CHD6: variants seen among roughly 807,000 people sequenced by gnomAD.
The protein encoded by CHD6 is ATP-dependent chromatin remodeler CHD6.
CHD6 carries 50 observed loss-of-function variants against 276.9 expected under a neutral mutation model. That is an observed-to-expected ratio of 0.18 (90% CI 0.14 to 0.23). The LOEUF is 0.23. CHD6 is among the 10% of genes least tolerant of loss of function. The pLI is 1.00. For synonymous variants in CHD6, 1,173 were observed against 1,229.3 expected, an observed-to-expected ratio of 0.95 and a Z score of 0.96; for missense variants, 2,564 against 3,365.8, an observed-to-expected ratio of 0.76 and a Z score of 5.89.
chr20:41,494,077 A>G (rs1263319060), intron 8 of CHD6, 133 bp from the exon 9 acceptor site: 2 of 624,488 alleles, frequency 3.2e-6, no homozygotes, highest in Non-Finnish European at 5.6e-6. Flanking sequence ...TTGCTTAAGA[A>G]TAAAAGTCAC....
At chr20:41,546,043 G>GT (rs2045033753) in intron 2 of CHD6, among the ~76,000 whole-genome samples, 1 of 152,098 alleles carries the variant, frequency 6.6e-6, no homozygotes, top group South Asian at 2.1e-4. Flanking sequence ...TTAATGGTTT[G>GT]TAACCAGGCT....
At chr20:41,443,831 A>C (rs1330407138) in intron 25 of CHD6, among the ~76,000 whole-genome samples, 1 of 152,100 alleles carries the variant, frequency 6.6e-6, no homozygotes, top group Non-Finnish European at 1.5e-5. Flanking sequence ...TTGGCCCCTA[A>C]GCTTTCAGTT....
At position 41,422,003 on chromosome 20, in the gene CHD6, C is replaced by T. The variant is rs1406115684; in HGVS notation, c.4632G>A (p.Leu1544=). 1 of 1,614,070 alleles carries T rather than the reference C, an allele frequency of 6.2e-7. No individual in the cohort carries two copies. Among genetic ancestry groups the T allele is most frequent in the African/African-American group, 1.3e-5 (1 of 74,928 alleles). ...RAARTLYRIE[L]LRKVREQVLK... ...GCACTTGCTCTCGGACTTTCCGTAA[C>T]AGTTCAATGCGGTACAGAGTTCTTG... is the stretch of plus-strand genomic sequence containing the variant. Residue 1544 remains leucine, a synonymous_variant, in exon 31 of 37, where the codon CTG becomes CTA. Transcript: ENST00000373233.
intron 1 of CHD6, among the ~76,000 whole-genome samples, chr20:41,590,685 G>A (rs1186013202): frequency 6.6e-6 from 1 of 152,152 alleles, no homozygotes; most frequent in Non-Finnish European, 1.5e-5. Flanking sequence ...AGTTAGAATG[G>A]CGATCATTAA....
intron 1 of CHD6, among the ~76,000 whole-genome samples, chr20:41,590,724 G>C (rs1336827256): frequency 6.6e-6 from 1 of 152,152 alleles, no homozygotes; most frequent in Non-Finnish European, 1.5e-5. Flanking sequence ...GTGCTGGAGA[G>C]GATGTGGAGA....
intron 17 of CHD6, among the ~76,000 whole-genome samples, chr20:41,459,933 T>C (rs1263659003): frequency 1.3e-5 from 2 of 152,332 alleles, no homozygotes; most frequent in South Asian, 4.1e-4. Flanking sequence ...GTGGGAAAGC[T>C]TGGAACCTCC....
intron 5 of CHD6, among the ~76,000 whole-genome samples, chr20:41,507,497 A>G (rs2145938653): frequency 6.6e-6 from 1 of 152,332 alleles, no homozygotes; most frequent in Middle Eastern, 3.4e-3. Flanking sequence ...TCCTAATGAA[A>G]CGAAAAGGGA....
intron 1 of CHD6, among the ~76,000 whole-genome samples, chr20:41,601,408 C>G (rs1306718299): frequency 1.3e-5 from 2 of 152,168 alleles, no homozygotes; most frequent in Non-Finnish European, 2.9e-5. Context: ...AGATAAGGCA[C>G]AGTCTGTACT....
At chr20:41,511,884 A>C (rs994871544) in intron 5 of CHD6, among the ~76,000 whole-genome samples, 1 of 152,308 alleles carries the variant, frequency 6.6e-6, no homozygotes, top group African/African-American at 2.4e-5. Context: ...CTTGCAATAC[A>C]TGCTTGTTGA....
At chr20:41,454,841 T>A in intron 19 of CHD6, 105 bp from the exon 20 acceptor site, 1 of 672,174 alleles carries the variant, frequency 1.5e-6, no homozygotes, top group Non-Finnish European at 2.5e-6. Flanking sequence ...CTATTTGCAT[T>A]CAAAATCAAA....
rs189416356 is a variant in CHD6 at position 41,594,290 on chromosome 20, C to G, written c.-24+24050G>C. ...AAGTGGTCACATCCCATGGCTCCAG[C>G]CTAAGATGGAAGTCAAACTTATATG... On this transcript the variant is annotated intron_variant, in intron 1 of 36. Coordinates refer to ENST00000373233, the MANE Select transcript of CHD6 (RefSeq NM_032221.5). Among the ~76,000 whole-genome samples the G allele has an allele frequency of 3.9e-4, 59 of 152,290 alleles. 1 individual carries two copies. In the East Asian group the frequency reaches 0.01, roughly 27 times the overall value.
chr20:41,489,820 C>T lies in CHD6; in HGVS notation c.1638G>A (p.Arg546=), dbSNP rs149998836. The change falls in exon 12 of 37, where the codon AGG becomes AGA. Residue 546 remains arginine, a synonymous_variant. Coordinates refer to ENST00000373233, the MANE Select transcript of CHD6 (RefSeq NM_032221.5). The part of the protein sequence containing the change: ...AIVYHGSQIS[R]QMIQQYEMVY... The stretch of plus-strand genomic sequence containing the variant: ...CCATTTCATACTGCTGGATCATCTG[C>T]CTGCTGATCTGGCTGCCGTGGTACA... The T allele has an allele frequency of 9.9e-6, 16 of 1,613,872 alleles. No individual in the cohort carries two copies. Among genetic ancestry groups the T allele is most frequent in the Admixed American group, 6.7e-5 (4 of 60,000 alleles).
At chr20:41,551,855 C>T (rs916316487) in intron 1 of CHD6, among the ~76,000 whole-genome samples, 18 of 152,106 alleles carry the variant, frequency 1.2e-4, no homozygotes, top group Admixed American at 5.9e-4. Flanking sequence ...TATTATTTGA[C>T]GATTTAAACC....
chr20:41,592,811 G>C (rs2045677703), intron 1 of CHD6, among the ~76,000 whole-genome samples: 1 of 152,092 alleles, frequency 6.6e-6, no homozygotes. Context: ...TTTACATTAG[G>C]CTGGGTCTAA....
At chr20:41,549,377 G>A (rs983096841) in intron 2 of CHD6, among the ~76,000 whole-genome samples, 4 of 149,676 alleles carry the variant, frequency 2.7e-5, no homozygotes, top group African/African-American at 9.9e-5. Flanking sequence ...ATCATTCTCA[G>A]CAAACTATCA....
chr20:41,425,141 G>T (rs762682780), intron 29 of CHD6, 37 bp downstream of exon 29: 2 of 1,554,774 alleles, frequency 1.3e-6, no homozygotes, highest in Non-Finnish European at 1.8e-6. Context: ...TTACCCAGTG[G>T]GTGGCTGAGC....
rs191916105 is a variant in CHD6, at chr20:41,403,647, T to G, written c.*946A>C. On this transcript the variant is annotated 3_prime_UTR_variant, in exon 37 of 37. Coordinates refer to ENST00000373233, the MANE Select transcript of CHD6 (RefSeq NM_032221.5). ...GTTGGGCAACTGTCTTCTTGCAGGC[T>G]CCAGAAAGAACCTTATTCTTGGTGA... 9.4e-7 allele frequency: 1 copy of G among 1,061,124 alleles called. No individual in the cohort carries two copies. The highest frequency in any genetic ancestry group is 5.4e-5 in the Admixed American group (1 of 18,572). The allele number at this position is 1,061,124 out of a possible 1,614,324, so 65.7% of individuals were successfully genotyped here.
intron 27 of CHD6, among the ~76,000 whole-genome samples, chr20:41,432,095 G>C (rs1314825889): frequency 6.7e-6 from 1 of 148,264 alleles, no homozygotes; most frequent in African/African-American, 2.5e-5. Context: ...GGGAGGTGGA[G>C]ATTGCAGGGA....
intron 34 of CHD6, chr20:41,414,800 A>C: frequency 9.0e-7 from 1 of 1,113,896 alleles, no homozygotes; most frequent in Non-Finnish European, 1.1e-6. Context: ...GGTAGCCCTG[A>C]CTCCTGTTCT....
Sources: gnomAD v4.1 joint callset for allele counts (sites outside exome capture counted in the v4.1 genomes callset) on GRCh38, gnomAD v4.1.1 for gene constraint, MANE v1.5 for transcripts, NCBI Gene and HGNC (gene_info 2026-07-23, HGNC 2026-07-21) for gene names.